The following ZNF43 variants were observed in gnomAD, a reference collection of about 807,000 sequenced individuals.
ZNF43 encodes zinc finger protein 39-like 1 (KOX 27).
ZNF43 carries 44 observed loss-of-function variants against 68.4 expected under a neutral mutation model. The ratio of observed to expected loss-of-function variants is 0.64; its 90% CI spans 0.51 to 0.83. The LOEUF (loss-of-function observed/expected upper bound fraction) is 0.83, where lower values mean the gene tolerates loss of function less well. Among genes scored for constraint, ZNF43 ranks in the 40% least tolerant of loss-of-function variants. The pLI is 0.00. For missense variants in ZNF43, 896 were observed against 933.2 expected, an observed-to-expected ratio of 0.96 and a Z score of 0.52; for synonymous variants, 308 against 307.8, an observed-to-expected ratio of 1.00 and a Z score of -0.01.
At chr19:21,835,933 G>A (rs1451647490) in intron 1 of ZNF43, 103 bp downstream of exon 1, 31 of 1,589,426 alleles carry the variant, frequency 2.0e-5, no homozygotes, top group Non-Finnish European at 2.7e-5. Context: ...GGCCGAGCTG[G>A]GCAAGAACTC....
At chr19:21,816,258 G>A (rs562277800) in intron 3 of ZNF43, among the ~76,000 whole-genome samples, 2 of 152,142 alleles carry the variant, frequency 1.3e-5, no homozygotes, top group Admixed American at 6.5e-5. Flanking sequence ...ACAGCTACAC[G>A]GTACATTGAG....
At chr19:21,827,718 A>G (rs1175144920) in intron 1 of ZNF43, among the ~76,000 whole-genome samples, 1 of 145,456 alleles carries the variant, frequency 6.9e-6, no homozygotes, top group Non-Finnish European at 1.5e-5. Flanking sequence ...CTGGAGTGCA[A>G]TGGCACAATC....
At chr19:21,815,266 A>C (rs1437947548) in intron 3 of ZNF43, among the ~76,000 whole-genome samples, 1 of 152,166 alleles carries the variant, frequency 6.6e-6, no homozygotes, top group Non-Finnish European at 1.5e-5. Flanking sequence ...CAATATTTGT[A>C]ACTTTGTACT....
rs1361523150 is a variant in ZNF43, at chr19:21,836,089, C to T, written c.-51G>A. The T allele has an allele frequency of 1.2e-6, 2 of 1,612,906 alleles. No homozygotes were observed. The highest frequency in any genetic ancestry group is 1.3e-5 in the African/African-American group (1 of 74,896). On this transcript the variant is annotated 5_prime_UTR_variant, in exon 1 of 4. Coordinates refer to ENST00000354959, the MANE Select transcript of ZNF43 (RefSeq NM_003423.4). Reference sequence around the variant, plus strand: ...GTCTTAGCTGTGGATCCCCCAATACCCGCAGGTCACAGAGCCACAGAGGCT... The same window carrying T: ...GTCTTAGCTGTGGATCCCCCAATACTCGCAGGTCACAGAGCCACAGAGGCT...
chr19:21,847,698 G>GA (rs113588824), intron 1 of ZNF43, among the ~76,000 whole-genome samples: 102 of 146,488 alleles, frequency 7.0e-4, no homozygotes, highest in South Asian at 6.5e-3. Context: ...CTCCGTCTCC[G>GA]AAAAAAAAAA....
intron 1 of ZNF43, among the ~76,000 whole-genome samples, chr19:21,832,822 G>A (rs1436137911): frequency 6.6e-6 from 1 of 152,076 alleles, no homozygotes; most frequent in Non-Finnish European, 1.5e-5. Context: ...CCGAGATTGT[G>A]CCACTGCACT....
rs926134750 is a variant in ZNF43 at position 21,807,704 on chromosome 19, G to A, written c.2333C>T (p.Thr778Ile). 3 of 1,613,404 alleles carry A rather than the reference G, an allele frequency of 1.9e-6. No individual in the cohort carries two copies. In the South Asian group the frequency reaches 3.3e-5, roughly 18 times the overall value. The change falls in exon 4 of 4, where the codon ACT becomes ATT. Residue 778 changes from threonine to isoleucine, a missense_variant. Coordinates refer to ENST00000354959, the MANE Select transcript of ZNF43 (RefSeq NM_003423.4). ...TCCAGTATGAATTTTGTTATGTGTA[G>A]TAAGGTTTGAATATTGGTTGAAAGC... ...GKAFNQYSNL[T>I]THNKIHTGEK... is the part of the protein sequence containing the mutation.
At position 21,807,556 on chromosome 19, in the gene ZNF43, TA is replaced by T. The variant is rs2036996110; in HGVS notation, c.*50del. Reference sequence around the variant, plus strand: ...CCTACAATCAAGTGTGACAACCATGTAAAGCCTTTATCACATTCTTTACATT... The same window carrying T: ...CCTACAATCAAGTGTGACAACCATGTAAGCCTTTATCACATTCTTTACATT... On this transcript the variant is annotated 3_prime_UTR_variant, in exon 4 of 4. Transcript: ENST00000354959. The T allele has an allele frequency of 6.9e-7, 1 of 1,455,038 alleles. No homozygotes were observed. Among genetic ancestry groups the T allele is most frequent in the Non-Finnish European group, 9.2e-7 (1 of 1,090,972 alleles). 90.1% of individuals were successfully genotyped at this position (1,455,038 alleles called of 1,614,324 possible).
chr19:21,842,573 G>T (rs1229483662), intron 1 of ZNF43, among the ~76,000 whole-genome samples: 1 of 151,880 alleles, frequency 6.6e-6, no homozygotes, highest in African/African-American at 2.4e-5. Flanking sequence ...CTAAGAGAGG[G>T]CTCCAGAGAT....
chr19:21,818,397 G>A (rs908294709), intron 2 of ZNF43, among the ~76,000 whole-genome samples: 1 of 151,604 alleles, frequency 6.6e-6, no homozygotes, highest in African/African-American at 2.4e-5. Context: ...CACCGTACCT[G>A]GCCCCAAAAT....
At chr19:21,823,084 A>G (rs2037934366) in intron 1 of ZNF43, among the ~76,000 whole-genome samples, 1 of 152,208 alleles carries the variant, frequency 6.6e-6, no homozygotes, top group Non-Finnish European at 1.5e-5. Context: ...CATTCCTTCA[A>G]GTGATGATAT....
rs2036964699 is a variant in ZNF43, at chr19:21,806,825, G to C, written c.*782C>G. On this transcript the variant is annotated 3_prime_UTR_variant, in exon 4 of 4. Transcript: ENST00000354959. ...TAATGTCTGAAGTGTCCGCGCCTTA[G>C]ATATTTCTACTGTGAATTCTCAGAT... The C allele has an allele frequency of 6.6e-6, 1 of 152,130 alleles. No individual in the cohort carries two copies. The highest frequency in any genetic ancestry group is 2.1e-4 in the South Asian group (1 of 4,832). The allele number at this position is 152,130 out of a possible 1,614,324, so 9.4% of individuals were successfully genotyped here.
In ZNF43 at chr19:21,807,169, G is replaced by T. The variant is rs1034648852; in HGVS notation, c.*438C>A. 6.5e-6 allele frequency: 1 copy of T among 152,880 alleles called. No individual in the cohort carries two copies. 9.5% of individuals were successfully genotyped at this position (152,880 alleles called of 1,614,324 possible). ...GATGTTGAACAGTATTTGAGCAACT[G>T]CTTCAGGGTTTTCTTTAGTACAAAA... On this transcript the variant is annotated 3_prime_UTR_variant, in exon 4 of 4. Transcript: ENST00000354959.
At chr19:21,822,552 T>C (rs993462807) in intron 1 of ZNF43, among the ~76,000 whole-genome samples, 1 of 152,154 alleles carries the variant, frequency 6.6e-6, no homozygotes, top group African/African-American at 2.4e-5. Flanking sequence ...ACGCCTGTAA[T>C]CCCAGCACTT....
chr19:21,815,031 T>C lies in ZNF43; in HGVS notation c.229+2857A>G, dbSNP rs1409024762. ...GATGAAACCCTGTCTCTACTAAAAATACAAAAATTAGCTGGGCATGATGGC... is the reference window on the plus strand; with the variant it reads ...GATGAAACCCTGTCTCTACTAAAAACACAAAAATTAGCTGGGCATGATGGC... On this transcript the variant is annotated intron_variant, in intron 3 of 3. Transcript: ENST00000354959. Among the ~76,000 whole-genome samples the C allele has an allele frequency of 2.0e-5, 3 of 151,732 alleles. 1 individual carries two copies. Among genetic ancestry groups the C allele is most frequent in the Non-Finnish European group, 4.4e-5 (3 of 67,940 alleles).
rs778859596 is a variant in ZNF43, at chr19:21,836,050, C to CGG, written c.-14_-13dup. ...GGCACTCTCACCATTTCTAGGCTTC[C>CGG]GGGGGGTCCTGGCGTCTTAGCTGTG... On this transcript the variant is annotated 5_prime_UTR_variant, in exon 1 of 4. Coordinates refer to ENST00000354959, the MANE Select transcript of ZNF43 (RefSeq NM_003423.4). The CGG allele has an allele frequency of 6.2e-7, 1 of 1,613,872 alleles. No homozygotes were observed. The highest frequency in any genetic ancestry group is 1.7e-5 in the Admixed American group (1 of 60,016).
intron 1 of ZNF43, 74 bp downstream of exon 1, chr19:21,835,962 G>A: frequency 6.2e-7 from 1 of 1,608,978 alleles, no homozygotes; most frequent in Non-Finnish European, 8.5e-7. Flanking sequence ...GCAGATTGTG[G>A]AGCTGACTGC....
chr19:21,846,518 TA>T (rs1007079449), intron 1 of ZNF43, among the ~76,000 whole-genome samples: 11 of 152,144 alleles, frequency 7.2e-5, no homozygotes, highest in African/African-American at 2.7e-4. Context: ...AGATATGTGT[TA>T]AAATGTTTTC....
At chr19:21,840,647 CT>C (rs1568387581), upstream of ZNF43, 1 of 152,158 alleles carries the variant, frequency 6.6e-6, no homozygotes, top group Non-Finnish European at 1.5e-5. Context: ...CAACAGTGAG[CT>C]GTGTTCATGT....
Sources: allele counts gnomAD v4.1 joint callset (sites outside exome capture counted in the v4.1 genomes callset), GRCh38; gene constraint gnomAD v4.1.1; transcripts MANE v1.5; gene names NCBI Gene and HGNC (gene_info 2026-07-23, HGNC 2026-07-21).